The following SNTB1 variants were observed in gnomAD, a reference collection of about 807,000 sequenced individuals.
SNTB1 encodes the protein syntrophin beta 1.
In SNTB1, 36 loss-of-function variants were observed where a neutral mutation model predicts 48.9. The observed-to-expected ratio is 0.74, with a 90% CI of 0.56 to 0.97. The LOEUF (loss-of-function observed/expected upper bound fraction) is 0.97, where lower values mean the gene tolerates loss of function less well. SNTB1 is among the 50% of genes least tolerant of loss of function. The pLI, the probability that SNTB1 is intolerant of heterozygous loss-of-function variation, is 0.00. For synonymous variants in SNTB1, 299 were observed against 294.6 expected, an observed-to-expected ratio of 1.01 and a Z score of -0.15; for missense variants, 786 against 703.4, an observed-to-expected ratio of 1.12 and a Z score of -1.33.
chr8:120,610,231 G>A (rs1321911316), intron 3 of SNTB1, among the ~76,000 whole-genome samples: 1 of 152,124 alleles, frequency 6.6e-6, no homozygotes, highest in Non-Finnish European at 1.5e-5. Context: ...CTGCCTCCCT[G>A]GTTAAAGCGA....
At chr8:120,637,631 G>T in intron 2 of SNTB1, 1 of 262,998 alleles carries the variant, frequency 3.8e-6, no homozygotes, top group Non-Finnish European at 7.7e-6. Context: ...AAACAGCCAG[G>T]CTTCTTACTA....
At chr8:120,587,029 T>C (rs1486341479) in intron 3 of SNTB1, among the ~76,000 whole-genome samples, 1 of 152,168 alleles carries the variant, frequency 6.6e-6, no homozygotes, top group East Asian at 1.9e-4. Flanking sequence ...AAGACCAGCC[T>C]GGCCAACATG....
intron 3 of SNTB1, among the ~76,000 whole-genome samples, chr8:120,578,031 G>T (rs1391430258): frequency 1.3e-5 from 2 of 151,916 alleles, no homozygotes; most frequent in Non-Finnish European, 2.9e-5. Flanking sequence ...GAAGAACAGG[G>T]ATTTGTTTGT....
intron 4 of SNTB1, among the ~76,000 whole-genome samples, chr8:120,553,953 G>C (rs1020935832): frequency 6.6e-6 from 1 of 152,150 alleles, no homozygotes; most frequent in Non-Finnish European, 1.5e-5. Context: ...AGTTGAGATT[G>C]TGCCACTGGA....
intron 3 of SNTB1, among the ~76,000 whole-genome samples, chr8:120,594,090 G>A (rs1221560314): frequency 6.6e-6 from 1 of 151,816 alleles, no homozygotes; most frequent in Non-Finnish European, 1.5e-5. Context: ...TTGAGACAGG[G>A]TCTTGCTCTG....
intron 1 of SNTB1, among the ~76,000 whole-genome samples, chr8:120,756,177 C>T (rs139249877): frequency 1.0e-3 from 157 of 152,234 alleles, no homozygotes; most frequent in African/African-American, 3.5e-3. Context: ...TTTCTCTTTC[C>T]TTATTTGTTT....
intron 1 of SNTB1, 126 bp downstream of exon 1, chr8:120,811,147 C>A: frequency 3.9e-6 from 5 of 1,271,938 alleles, no homozygotes; most frequent in Non-Finnish European, 4.2e-6. Context: ...CCCCCCAACA[C>A]ACACACACCC....
rs186683615 is a variant in SNTB1 at position 120,603,992 on chromosome 8, T to G, written c.996+28452A>C. On this transcript the variant is annotated intron_variant, in intron 3 of 6. Transcript: ENST00000517992. Reference sequence around the variant, plus strand: ...CAGGCCAAGGCTTTGTCAAAAGGAATCCTGCTCTTCCAGGGTTCCATACCC... The same window carrying G: ...CAGGCCAAGGCTTTGTCAAAAGGAAGCCTGCTCTTCCAGGGTTCCATACCC... Among the ~76,000 whole-genome samples the G allele has an allele frequency of 1.8e-4, 27 of 152,204 alleles. 1 individual carries two copies. In the East Asian group the frequency reaches 3.3e-3, roughly 19 times the overall value.
intron 1 of SNTB1, among the ~76,000 whole-genome samples, chr8:120,694,511 C>T (rs1389008732): frequency 6.6e-6 from 1 of 151,250 alleles, no homozygotes; most frequent in African/African-American, 2.4e-5. Flanking sequence ...AATTGTAAGA[C>T]ATTTATATCA....
At chr8:120,702,908 C>T (rs1336206509) in intron 1 of SNTB1, among the ~76,000 whole-genome samples, 1 of 152,110 alleles carries the variant, frequency 6.6e-6, no homozygotes, top group Admixed American at 6.5e-5. Context: ...GATGCATAGC[C>T]ATTCTTACCT....
At chr8:120,643,844 G>C (rs575026617) in intron 2 of SNTB1, among the ~76,000 whole-genome samples, 1 of 152,172 alleles carries the variant, frequency 6.6e-6, no homozygotes, top group South Asian at 2.1e-4. Flanking sequence ...CCTCCATCCT[G>C]TTTTCCATAG....
chr8:120,651,444 G>C (rs1188122807), intron 2 of SNTB1, among the ~76,000 whole-genome samples: 1 of 152,230 alleles, frequency 6.6e-6, no homozygotes, highest in Admixed American at 6.5e-5. Flanking sequence ...AGGGGCACAA[G>C]TTAATGAGAG....
intron 3 of SNTB1, among the ~76,000 whole-genome samples, chr8:120,595,742 C>A (rs544174589): frequency 6.6e-6 from 1 of 152,064 alleles, no homozygotes; most frequent in African/African-American, 2.4e-5. Flanking sequence ...CACTACCACG[C>A]CCGGCTAATT....
intron 1 of SNTB1, among the ~76,000 whole-genome samples, chr8:120,778,067 C>G (rs1250883549): frequency 6.6e-6 from 1 of 152,232 alleles, no homozygotes; most frequent in Non-Finnish European, 1.5e-5. Context: ...CACATCCAAA[C>G]TTTGTGTGTG....
intron 2 of SNTB1, among the ~76,000 whole-genome samples, chr8:120,635,309 G>A (rs975044298): frequency 2.0e-5 from 3 of 152,132 alleles, no homozygotes; most frequent in African/African-American, 7.2e-5. Context: ...ATTCTCAAGA[G>A]CATTAATGAG....
At chr8:120,806,400 C>T (rs1172296526) in intron 1 of SNTB1, among the ~76,000 whole-genome samples, 2 of 152,158 alleles carry the variant, frequency 1.3e-5, no homozygotes, top group African/African-American at 4.8e-5. Context: ...CATAAAGGTG[C>T]GAGCATCTAA....
chr8:120,747,263 G>C (rs2130022214), intron 1 of SNTB1, among the ~76,000 whole-genome samples: 1 of 152,266 alleles, frequency 6.6e-6, no homozygotes, highest in East Asian at 1.9e-4. Context: ...TGCAGGAACA[G>C]AAAACCAAAT....
chr8:120,707,202 C>G (rs1818392267), intron 1 of SNTB1, among the ~76,000 whole-genome samples: 1 of 152,124 alleles, frequency 6.6e-6, no homozygotes, highest in African/African-American at 2.4e-5. Flanking sequence ...TTTTTTGAGA[C>G]TTCCATGACC....
intron 1 of SNTB1, among the ~76,000 whole-genome samples, chr8:120,741,289 A>G (rs1819036434): frequency 6.6e-6 from 1 of 152,214 alleles, no homozygotes; most frequent in Non-Finnish European, 1.5e-5. Flanking sequence ...CTACGAATTC[A>G]GACTCAGATA....
Sources: gnomAD v4.1 joint callset for allele counts (sites outside exome capture counted in the v4.1 genomes callset) on GRCh38, gnomAD v4.1.1 for gene constraint, MANE v1.5 for transcripts, NCBI Gene and HGNC (gene_info 2026-07-23, HGNC 2026-07-21) for gene names.